SNTG1: variants seen among roughly 807,000 people sequenced by gnomAD.
The protein encoded by SNTG1 is syntrophin gamma 1.
In SNTG1, 39 loss-of-function variants were observed where a neutral mutation model predicts 74.7. The ratio of observed to expected loss-of-function variants is 0.52; its 90% CI spans 0.40 to 0.68. The LOEUF (loss-of-function observed/expected upper bound fraction) is 0.68. Among genes scored for constraint, SNTG1 ranks in the 30% least tolerant of loss-of-function variants. The pLI is 0.00. For missense variants in SNTG1, 685 were observed against 609.5 expected (o/e 1.12, Z -1.30); for synonymous variants, 254 against 217.1 (o/e 1.17, Z -1.49).
chr8:50,192,930 T>C (rs991661300), intron 2 of SNTG1, among the ~76,000 whole-genome samples: 1 of 152,144 alleles, frequency 6.6e-6, no homozygotes, highest in Non-Finnish European at 1.5e-5. Context: ...TTTATGTTTT[T>C]GTTTGCTTTG....
At chr8:50,557,560 T>C (rs1166477547) in intron 12 of SNTG1, among the ~76,000 whole-genome samples, 1 of 152,160 alleles carries the variant, frequency 6.6e-6, no homozygotes, top group East Asian at 1.9e-4. Flanking sequence ...GCTGCCAGCA[T>C]TCCCTGGCTC....
chr8:50,605,391 G>A (rs2094805374), intron 13 of SNTG1, among the ~76,000 whole-genome samples: 2 of 152,198 alleles, frequency 1.3e-5, no homozygotes, highest in Non-Finnish European at 2.9e-5. Flanking sequence ...TTAGACTGCA[G>A]TGGTGAGGCT....
intron 2 of SNTG1, among the ~76,000 whole-genome samples, chr8:50,365,489 T>G (rs2092083169): frequency 6.6e-6 from 1 of 152,122 alleles, no homozygotes; most frequent in African/African-American, 2.4e-5. Context: ...CCCTTTGAAA[T>G]TTGCTAGTCA....
intron 2 of SNTG1, among the ~76,000 whole-genome samples, chr8:50,328,103 T>G (rs1165219610): frequency 6.6e-6 from 1 of 152,218 alleles, no homozygotes; most frequent in Non-Finnish European, 1.5e-5. Flanking sequence ...AGTTTTATTC[T>G]ACCTTCACTT....
chr8:50,149,819 G>A (rs1035711485), intron 1 of SNTG1, among the ~76,000 whole-genome samples: 1 of 152,184 alleles, frequency 6.6e-6, no homozygotes, highest in Non-Finnish European at 1.5e-5. Flanking sequence ...TTTGAAGTCA[G>A]GTATCGTGAT....
At chr8:50,148,764 C>G (rs376712085) in intron 1 of SNTG1, among the ~76,000 whole-genome samples, 25 of 152,108 alleles carry the variant, frequency 1.6e-4, no homozygotes, top group East Asian at 9.7e-4. Flanking sequence ...ATTCCATGGT[C>G]TATATGTGCC....
intron 2 of SNTG1, among the ~76,000 whole-genome samples, chr8:50,318,697 T>C (rs1213911623): frequency 6.6e-6 from 1 of 152,210 alleles, no homozygotes; most frequent in Non-Finnish European, 1.5e-5. Context: ...AATTGTGTTA[T>C]CTGTGGAAAT....
At chr8:50,254,853 GAA>G (rs11377291) in intron 2 of SNTG1, among the ~76,000 whole-genome samples, 4 of 142,572 alleles carry the variant, frequency 2.8e-5, no homozygotes, top group Admixed American at 7.0e-5. Flanking sequence ...ACTCCTCAAA[GAA>G]AAAAAAAAAA....
At chr8:50,695,507 T>TTTAC (rs2095401548) in intron 15 of SNTG1, among the ~76,000 whole-genome samples, 1 of 151,630 alleles carries the variant, frequency 6.6e-6, no homozygotes, top group Non-Finnish European at 1.5e-5. Flanking sequence ...TATTTATTTA[T>TTTAC]ACTTAGGAAG....
chr8:50,789,642 A>G (rs1040228503), intron 18 of SNTG1, among the ~76,000 whole-genome samples: 8 of 152,094 alleles, frequency 5.3e-5, no homozygotes, highest in African/African-American at 1.7e-4. Context: ...GCAGAGCAAC[A>G]CGTTTTTTCC....
At chr8:49,993,368 G>GT (rs1813867705) in intron 1 of SNTG1, among the ~76,000 whole-genome samples, 2 of 31,664 alleles carry the variant, frequency 6.3e-5, no homozygotes, top group South Asian at 1.8e-3. Context: ...ATTTTTCTGA[G>GT]GTTTTTTTTT....
chr8:50,530,160 G>C lies in SNTG1; in HGVS notation c.467-17G>C. On this transcript the variant is annotated splice_polypyrimidine_tract_variant and intron_variant, in intron 9 of 18. Coordinates refer to ENST00000642720, the MANE Select transcript of SNTG1 (RefSeq NM_018967.5). ...GGCATTCTCACCAGTGGAATGTTAT[G>C]ATTTTGTCTCCTGCAGGTGCTCCAA... 1.2e-6 allele frequency: 2 copies of C among 1,611,796 alleles called. No homozygotes were observed. The highest frequency in any genetic ancestry group is 1.1e-5 in the South Asian group (1 of 91,034).
intron 2 of SNTG1, among the ~76,000 whole-genome samples, chr8:50,342,668 G>A (rs759350073): frequency 9.2e-5 from 14 of 152,136 alleles, no homozygotes; most frequent in Non-Finnish European, 1.8e-4. Context: ...CTGAAGCCAT[G>A]TAGGTAAGAA....
chr8:50,060,879 C>T (rs1246228259), intron 1 of SNTG1, among the ~76,000 whole-genome samples: 1 of 152,038 alleles, frequency 6.6e-6, no homozygotes, highest in Non-Finnish European at 1.5e-5. Flanking sequence ...TTTTGCATGT[C>T]AAACCAGCAA....
chr8:50,770,000 T>G (rs990534474), intron 18 of SNTG1, among the ~76,000 whole-genome samples: 3 of 152,002 alleles, frequency 2.0e-5, no homozygotes, highest in Non-Finnish European at 4.4e-5. Context: ...AATAAACCAA[T>G]AATCCAAATC....
chr8:49,951,682 G>T (rs925893923), intron 1 of SNTG1, among the ~76,000 whole-genome samples: 4 of 150,872 alleles, frequency 2.7e-5, no homozygotes, highest in African/African-American at 9.8e-5. Context: ...TGGGTGCAGC[G>T]CACCAGCATG....
chr8:50,757,619 T>A (rs1175277143), intron 18 of SNTG1, among the ~76,000 whole-genome samples: 1 of 151,922 alleles, frequency 6.6e-6, no homozygotes, highest in Non-Finnish European at 1.5e-5. Flanking sequence ...TATTTCTTCA[T>A]CCATTTTGAC....
chr8:50,055,059 C>A (rs1000312549), intron 1 of SNTG1, among the ~76,000 whole-genome samples: 1 of 151,894 alleles, frequency 6.6e-6, no homozygotes, highest in Non-Finnish European at 1.5e-5. Context: ...TTCAAATGGA[C>A]TGCAATTGTC....
intron 8 of SNTG1, chr8:50,491,167 A>G (rs2131881818): frequency 6.6e-6 from 1 of 152,528 alleles, no homozygotes; most frequent in Middle Eastern, 3.4e-3. Context: ...TCTGATCCCA[A>G]GCTCCCCAGA....
Sources: gnomAD v4.1 joint callset for allele counts (sites outside exome capture counted in the v4.1 genomes callset) on GRCh38, gnomAD v4.1.1 for gene constraint, MANE v1.5 for transcripts, NCBI Gene and HGNC (gene_info 2026-07-23, HGNC 2026-07-21) for gene names.